The following GID8 variants were observed in gnomAD, a reference collection of about 807,000 sequenced individuals.
GID8 encodes the protein GID complex subunit 8 homolog.
Under a neutral mutation model 27.4 loss-of-function variants are expected in GID8, and 6 were observed. The ratio of observed to expected loss-of-function variants is 0.22; its 90% CI spans 0.12 to 0.43. The LOEUF is 0.43. Ranked by LOEUF, GID8 falls within the 20% of genes least tolerant of loss-of-function variation. GID8 has a pLI of 1.00. For synonymous variants in GID8, 112 were observed against 109.0 expected (o/e 1.03, Z -0.17); for missense variants, 173 against 287.6 (o/e 0.60, Z 2.88).
rs1408356357 is a variant in GID8 at position 62,945,881 on chromosome 20, G to T, written c.*969G>T. 20 of 1,289,564 alleles carry T rather than the reference G, an allele frequency of 1.6e-5. No individual in the cohort carries two copies. Among genetic ancestry groups the T allele is most frequent in the Non-Finnish European group, 1.2e-5 (12 of 988,888 alleles). The allele number at this position is 1,289,564 out of a possible 1,614,324, so 79.9% of individuals were successfully genotyped here. The stretch of plus-strand genomic sequence containing the variant: ...AACGCGTGTTCATCCTCAGTGATCT[G>T]CCCTCCAGCATCTCGGCAGCATCTC... On this transcript the variant is annotated 3_prime_UTR_variant, in exon 5 of 5. Coordinates refer to ENST00000266069, the MANE Select transcript of GID8 (RefSeq NM_017896.3).
intron 2 of GID8, among the ~76,000 whole-genome samples, chr20:62,942,516 AG>A: frequency 6.6e-6 from 1 of 152,202 alleles, no homozygotes; most frequent in South Asian, 2.1e-4. Flanking sequence ...GGGCAGGGGA[AG>A]GGGCACACAT....
chr20:62,943,466 G>A lies in GID8; in HGVS notation c.316-29G>A. 1 of 1,603,680 alleles carries A rather than the reference G, an allele frequency of 6.2e-7. No individual in the cohort carries two copies. The highest frequency in any genetic ancestry group is 8.5e-7 in the Non-Finnish European group (1 of 1,172,904). The stretch of plus-strand genomic sequence containing the variant: ...CTAAGTCCCTGGCCTGGGTGTGTGG[G>A]GGTCAAGCTTGTCTGTCTCTGCCTC... On this transcript the variant is annotated intron_variant, in intron 3 of 4. Transcript: ENST00000266069. The surrounding 1 kb of genome is among the most constrained non-coding windows in gnomAD (Gnocchi z 4.7).
Position 62,945,647 on chromosome 20 carries a change from G to T in GID8, c.*735G>T. On this transcript the variant is annotated 3_prime_UTR_variant, in exon 5 of 5. Transcript: ENST00000266069. ...TTTGATTTCAAGAATGACCAAAATGGCCTCTAAAAGATGTTAATCATCTCA... is the reference window on the plus strand; with the variant it reads ...TTTGATTTCAAGAATGACCAAAATGTCCTCTAAAAGATGTTAATCATCTCA... The T allele has an allele frequency of 1.7e-6, 2 of 1,170,834 alleles. No individual in the cohort carries two copies. The highest frequency in any genetic ancestry group is 2.1e-6 in the Non-Finnish European group (2 of 932,010). The allele number at this position is 1,170,834 out of a possible 1,614,324, so 72.5% of individuals were successfully genotyped here.
chr20:62,947,695 G>T lies in GID8; in HGVS notation c.*2783G>T, dbSNP rs2065472168. ...TTCTAGAAAAGGCAGACACTGGTTG[G>T]GACCAAAGTCTCCATGGCACATGAC... On this transcript the variant is annotated 3_prime_UTR_variant, in exon 5 of 5. Transcript: ENST00000266069. The T allele has an allele frequency of 6.6e-6, 1 of 152,220 alleles. No homozygotes were observed. Among genetic ancestry groups the T allele is most frequent in the Non-Finnish European group, 1.5e-5 (1 of 68,040 alleles). 9.4% of individuals were successfully genotyped at this position (152,220 alleles called of 1,614,324 possible). A position where few individuals can be genotyped will look rare whatever the true frequency, so the allele number is the denominator to read the frequency against.
Position 62,943,328 on chromosome 20 carries a change from A to C in GID8, c.315+145A>C. 3.2e-6 allele frequency: 3 copies of C among 934,460 alleles called. No homozygotes were observed. Among genetic ancestry groups the C allele is most frequent in the Non-Finnish European group, 4.9e-6 (3 of 615,816 alleles). The allele number at this position is 934,460 out of a possible 1,614,324, so 57.9% of individuals were successfully genotyped here. ...GGGAGAGGTTTGAGTTTGCTCTTTTATGTAGTTCAGAAGCGGTTTTTTGTT... is the reference window on the plus strand; with the variant it reads ...GGGAGAGGTTTGAGTTTGCTCTTTTCTGTAGTTCAGAAGCGGTTTTTTGTT... On this transcript the variant is annotated intron_variant, in intron 3 of 4. Transcript: ENST00000266069. This position sits in a 1 kb window ranked among gnomAD's most constrained non-coding sequence, Gnocchi z 4.7.
intron 1 of GID8, among the ~76,000 whole-genome samples, chr20:62,940,726 T>A (rs527481387): frequency 1.3e-5 from 2 of 152,366 alleles, no homozygotes; most frequent in East Asian, 3.9e-4. Flanking sequence ...TTATTTTAAC[T>A]GCTTTATGAA....
In GID8 at chr20:62,946,162, AC is replaced by A; in HGVS notation, c.*1253del. On this transcript the variant is annotated 3_prime_UTR_variant, in exon 5 of 5. Coordinates refer to ENST00000266069, the MANE Select transcript of GID8 (RefSeq NM_017896.3). The stretch of plus-strand genomic sequence containing the variant: ...TTAGTGGATGTTCGTGGAATTGCTG[AC>A]CCATCCAAGGGCGTCCTTTGGAGCC... 1 of 627,464 alleles carries A rather than the reference AC, an allele frequency of 1.6e-6. No individual in the cohort carries two copies. 38.9% of individuals were successfully genotyped at this position (627,464 alleles called of 1,614,324 possible).
rs761316220 is a variant in GID8 at position 62,943,017 on chromosome 20, G to A, written c.149G>A (p.Arg50Gln). 7 of 1,613,574 alleles carry A rather than the reference G, an allele frequency of 4.3e-6. No individual in the cohort carries two copies. The highest frequency in any genetic ancestry group is 1.3e-5 in the African/African-American group (1 of 74,886). The change falls in exon 3 of 5, where the codon CGA becomes CAA. Residue 50 changes from arginine (R) to glutamine (Q), a missense_variant. Transcript: ENST00000266069. This position sits in a 1 kb window ranked among gnomAD's most constrained non-coding sequence, Gnocchi z 4.7. ...TTTAAGGAAGCAGCGGAGAAGTTTCGAATGGAATCTGGAATCGAACCTAGT... is the reference window on the plus strand; with the variant it reads ...TTTAAGGAAGCAGCGGAGAAGTTTCAAATGGAATCTGGAATCGAACCTAGT... ...EGFKEAAEKF[R>Q]MESGIEPSVD...
rs566271873 is a variant in GID8 at position 62,940,056 on chromosome 20, C to A, written c.-12-1435C>A. ...TTTCATGCCCTTATTTAAAAAAAAA[C>A]AAACAAAATAGGTTTGCCACGTACA... On this transcript the variant is annotated intron_variant, in intron 1 of 4. Coordinates refer to ENST00000266069, the MANE Select transcript of GID8 (RefSeq NM_017896.3). 1.1e-4 allele frequency among the ~76,000 whole-genome samples: 16 copies of A among 152,176 alleles called. No individual in the cohort carries two copies. In the South Asian group the frequency reaches 2.1e-3, roughly 20 times the overall value.
At chr20:62,938,626 G>A (rs1420553919) in intron 1 of GID8, 1 of 152,288 alleles carries the variant, frequency 6.6e-6, no homozygotes, top group Non-Finnish European at 1.5e-5. Context: ...GATGTAAAGT[G>A]TGGCATGGAA....
intron 2 of GID8, among the ~76,000 whole-genome samples, chr20:62,942,077 G>C (rs1361485010): frequency 6.6e-6 from 1 of 152,164 alleles, no homozygotes; most frequent in East Asian, 1.9e-4. Flanking sequence ...TATATGGCAA[G>C]AAAATAGATG....
chr20:62,940,186 T>C (rs920080495), intron 1 of GID8, among the ~76,000 whole-genome samples: 2 of 137,650 alleles, frequency 1.5e-5, no homozygotes, highest in African/African-American at 2.7e-5. Flanking sequence ...TTCTTTTTTT[T>C]CTTTTTTTTT....
Position 62,946,026 on chromosome 20 carries a change from G to T in GID8, c.*1114G>T, listed in dbSNP as rs775297129. ...GGGCTGCGTGCATTGCCTGCGAGTC[G>T]GGACAGTTGATGGGCACATGGCCTT... On this transcript the variant is annotated 3_prime_UTR_variant, in exon 5 of 5. Coordinates refer to ENST00000266069, the MANE Select transcript of GID8 (RefSeq NM_017896.3). The T allele has an allele frequency of 2.3e-6, 3 of 1,289,094 alleles. No homozygotes were observed. Among genetic ancestry groups the T allele is most frequent in the African/African-American group, 3.0e-5 (2 of 65,978 alleles). The allele number at this position is 1,289,094 out of a possible 1,614,324, so 79.9% of individuals were successfully genotyped here. A position where few individuals can be genotyped will look rare whatever the true frequency, so the allele number is the denominator to read the frequency against.
chr20:62,946,761 A>C lies in GID8; in HGVS notation c.*1849A>C, dbSNP rs2065468328. On this transcript the variant is annotated 3_prime_UTR_variant, in exon 5 of 5. Transcript: ENST00000266069. ...GAGGATGAAGATAAGTTGGAGGGAAAGAGAGTAACTAATAGGGGATGAAAT... is the reference window on the plus strand; with the variant it reads ...GAGGATGAAGATAAGTTGGAGGGAACGAGAGTAACTAATAGGGGATGAAAT... The C allele has an allele frequency of 6.6e-6, 1 of 152,246 alleles. No homozygotes were observed. The highest frequency in any genetic ancestry group is 2.4e-5 in the African/African-American group (1 of 41,452). The allele number at this position is 152,246 out of a possible 1,614,324, so 9.4% of individuals were successfully genotyped here.
Position 62,943,385 on chromosome 20 carries a change from C to A in GID8, c.316-110C>A. The A allele has an allele frequency of 9.1e-7, 1 of 1,102,856 alleles. No homozygotes were observed. Among genetic ancestry groups the A allele is most frequent in the Non-Finnish European group, 1.3e-6 (1 of 750,474 alleles). The allele number at this position is 1,102,856 out of a possible 1,614,324, so 68.3% of individuals were successfully genotyped here. ...ATGCAAATTTGATAACTCAGAGATG[C>A]AAGAAAAGTCTTCCCTCTGTGATGT... On this transcript the variant is annotated intron_variant, in intron 3 of 4. Transcript: ENST00000266069. This position sits in a 1 kb window ranked among gnomAD's most constrained non-coding sequence, Gnocchi z 4.7.
chr20:62,941,291 A>G (rs2065442463), intron 1 of GID8, among the ~76,000 whole-genome samples, 200 bp from the exon 2 acceptor site: 1 of 152,252 alleles, frequency 6.6e-6, no homozygotes, highest in African/African-American at 2.4e-5. Context: ...CGTTCTCCTG[A>G]TACCAGAGTA....
chr20:62,943,776 C>CTGTG lies in GID8; in HGVS notation c.513+87_513+90dup. 3 of 1,019,132 alleles carry CTGTG rather than the reference C, an allele frequency of 2.9e-6. No individual in the cohort carries two copies. Among genetic ancestry groups the CTGTG allele is most frequent in the South Asian group, 2.7e-5 (2 of 72,770 alleles). 63.1% of individuals were successfully genotyped at this position (1,019,132 alleles called of 1,614,324 possible). On this transcript the variant is annotated intron_variant, in intron 4 of 4. Coordinates refer to ENST00000266069, the MANE Select transcript of GID8 (RefSeq NM_017896.3). This position sits in a 1 kb window ranked among gnomAD's most constrained non-coding sequence, Gnocchi z 4.7. ...TGACAACGCCAAGTGTGTGGCTTTG[C>CTGTG]TGTGTGGACTGAGAGACAGGTGGCT... is the stretch of plus-strand genomic sequence containing the variant.
chr20:62,943,437 T>G lies in GID8; in HGVS notation c.316-58T>G. 1 of 1,466,902 alleles carries G rather than the reference T, an allele frequency of 6.8e-7. No individual in the cohort carries two copies. The highest frequency in any genetic ancestry group is 1.7e-5 in the Admixed American group (1 of 59,468). 90.9% of individuals were successfully genotyped at this position (1,466,902 alleles called of 1,614,324 possible). A position where few individuals can be genotyped will look rare whatever the true frequency, so the allele number is the denominator to read the frequency against. On this transcript the variant is annotated intron_variant, in intron 3 of 4. Coordinates refer to ENST00000266069, the MANE Select transcript of GID8 (RefSeq NM_017896.3). This position sits in a 1 kb window ranked among gnomAD's most constrained non-coding sequence, Gnocchi z 4.7. Reference sequence around the variant, plus strand: ...CTTTTGATTGGGACCTGGTACCACCTGCCCTAAGTCCCTGGCCTGGGTGTG... The same window carrying G: ...CTTTTGATTGGGACCTGGTACCACCGGCCCTAAGTCCCTGGCCTGGGTGTG...
intron 2 of GID8, among the ~76,000 whole-genome samples, chr20:62,942,561 G>T (rs2065448219): frequency 6.6e-6 from 1 of 152,224 alleles, no homozygotes; most frequent in African/African-American, 2.4e-5. Flanking sequence ...ACTCTTAAGA[G>T]GTGGGAGTCA....
Sources: allele counts gnomAD v4.1 joint callset (sites outside exome capture counted in the v4.1 genomes callset), GRCh38; gene constraint gnomAD v4.1.1; non-coding constraint Gnocchi (gnomAD v3.1); transcripts MANE v1.5; gene names NCBI Gene and HGNC (gene_info 2026-07-23, HGNC 2026-07-21).